The following DCAF17 variants were observed in gnomAD, a reference collection of about 807,000 sequenced individuals.
DCAF17 encodes DDB1 and CUL4 associated factor 17, also known as DDB1- and CUL4-associated factor 17.
A neutral mutation model predicts 66.0 loss-of-function variants in DCAF17; 48 were observed. The observed-to-expected ratio is 0.73, with a 90% confidence interval of 0.58 to 0.92. The LOEUF is 0.92. Ranked by LOEUF, DCAF17 falls within the 40% of genes least tolerant of loss-of-function variation. The pLI is 0.00. For synonymous variants in DCAF17, 206 were observed against 214.6 expected (o/e 0.96, Z 0.35); for missense variants, 562 against 622.8 (o/e 0.90, Z 1.04).
chr2:171,450,022 G>A (rs947555057), intron 5 of DCAF17, 65 bp downstream of exon 5: 22 of 1,346,956 alleles, frequency 1.6e-5, no homozygotes, highest in Non-Finnish European at 2.3e-5. Context: ...CTGCAGATTT[G>A]TTATGAAAAA....
intron 8 of DCAF17, among the ~76,000 whole-genome samples, chr2:171,467,904 T>C (rs997302323): frequency 2.6e-5 from 4 of 152,226 alleles, no homozygotes; most frequent in Non-Finnish European, 4.4e-5. Flanking sequence ...CACTTCTGTA[T>C]ATAACATGTG....
At chr2:171,463,202 C>G in intron 8 of DCAF17, among the ~76,000 whole-genome samples, 1 of 150,028 alleles carries the variant, frequency 6.7e-6, no homozygotes, top group African/African-American at 2.5e-5. Flanking sequence ...TGCACTCCAG[C>G]CTGGGCGATG....
intron 5 of DCAF17, 68 bp from the exon 6 acceptor site, chr2:171,453,056 A>G (rs965873027): frequency 3.7e-6 from 4 of 1,093,552 alleles, no homozygotes; most frequent in African/African-American, 1.6e-5. Context: ...GATTTTTTCA[A>G]CTAATGAAAA....
Position 171,464,852 on chromosome 2 carries a change from C to A in DCAF17, c.839-4036C>A, listed in dbSNP as rs1695803034. ...TGATTTCTAATAAAACTTTATCCTACTATATATATATGATAGTCTTAAAAT... is the reference window on the plus strand; with the variant it reads ...TGATTTCTAATAAAACTTTATCCTAATATATATATATGATAGTCTTAAAAT... On this transcript the variant is annotated intron_variant, in intron 8 of 13. Coordinates refer to ENST00000375255, the MANE Select transcript of DCAF17 (RefSeq NM_025000.4). Among the ~76,000 whole-genome samples the A allele has an allele frequency of 2.6e-5, 4 of 152,008 alleles. No homozygotes were observed. In the South Asian group the frequency reaches 8.3e-4, roughly 32 times the overall value.
chr2:171,475,462 T>A (rs1696453081), intron 10 of DCAF17, among the ~76,000 whole-genome samples: 1 of 152,140 alleles, frequency 6.6e-6, no homozygotes, highest in Non-Finnish European at 1.5e-5. Flanking sequence ...ATGCTCAGTA[T>A]TTGTTGAATA....
In DCAF17 at chr2:171,458,286, T is replaced by C. The variant is rs967184525; in HGVS notation, c.733-86T>C. ...TTGGAAAAAGACATTTTCTTTGTCA[T>C]ATACATGTGAATTTTATTTTTGTTC... is the stretch of plus-strand genomic sequence containing the variant. On this transcript the variant is annotated intron_variant, in intron 7 of 13. Transcript: ENST00000375255. 44 of 1,211,786 alleles carry C rather than the reference T, an allele frequency of 3.6e-5. 1 individual carries two copies. The highest frequency in any genetic ancestry group is 1.9e-4 in the East Asian group (8 of 42,826). 75.1% of individuals were successfully genotyped at this position (1,211,786 alleles called of 1,614,324 possible).
Position 171,448,762 on chromosome 2 carries a change from G to T in DCAF17, c.403G>T (p.Ala135Ser). The T allele has an allele frequency of 6.2e-7, 1 of 1,612,908 alleles. No individual in the cohort carries two copies. The highest frequency in any genetic ancestry group is 2.2e-5 in the East Asian group (1 of 44,792). The stretch of plus-strand genomic sequence containing the variant: ...TCATAATTGGCTACTTCGTATATCA[G>T]CAACTACGGGAAAAATCCTTGAGAA... The part of the protein sequence containing the change: ...TAHNWLLRIS[A>S]TTGKILEKIY... The change falls in exon 4 of 14, where the codon GCA becomes TCA. Residue 135 changes from alanine (A) to serine (S), a missense_variant. By Grantham distance (99) the Ala-to-Ser change is moderately conservative. This residue lies in a region of DCAF17 where 348 missense variants were observed against 355.9 expected (regional missense o/e 0.98). Transcript: ENST00000375255.
chr2:171,443,395 G>C (rs1175185243), intron 2 of DCAF17, 128 bp from the exon 3 acceptor site: 1 of 669,426 alleles, frequency 1.5e-6, no homozygotes, highest in African/African-American at 1.8e-5. Flanking sequence ...TTAATATTTA[G>C]TTAAGAGGAA....
intron 3 of DCAF17, among the ~76,000 whole-genome samples, chr2:171,448,303 A>T (rs899539935): frequency 6.6e-6 from 1 of 151,892 alleles, no homozygotes; most frequent in African/African-American, 2.4e-5. Flanking sequence ...ATAGCAGAGG[A>T]CTCTTAATCG....
intron 3 of DCAF17, among the ~76,000 whole-genome samples, chr2:171,446,861 T>C (rs1309000467): frequency 6.6e-6 from 1 of 152,186 alleles, no homozygotes. Context: ...ATAAGATGTT[T>C]CAGATCTTTG....
chr2:171,440,615 T>C (rs112006982), intron 2 of DCAF17, among the ~76,000 whole-genome samples: 66 of 152,314 alleles, frequency 4.3e-4, no homozygotes, highest in African/African-American at 1.6e-3. Context: ...ATAAAAAGAA[T>C]TAAATAGGCC....
intron 9 of DCAF17, among the ~76,000 whole-genome samples, chr2:171,470,393 C>T (rs1921776): frequency 0.33 from 50,324 of 151,950 alleles, 9,558 homozygotes; most frequent in East Asian, 0.62. Context: ...TCACCACGCA[C>T]GTTACAGATC....
chr2:171,473,929 C>A lies in DCAF17; in HGVS notation c.1045C>A (p.Pro349Thr), dbSNP rs766897062. The change falls in exon 10 of 14, where the codon CCT (proline) becomes ACT (threonine). Residue 349 changes from proline to threonine, a missense_variant. Pro to Thr is a conservative substitution (Grantham distance 38, BLOSUM62 -1). Coordinates refer to ENST00000375255, the MANE Select transcript of DCAF17 (RefSeq NM_025000.4). ...AGAATCTGACTGGATCTATTTCCAT[C>A]CTGATGCTTCTGGTAGAATAATACA... ...SLESDWIYFH[P>T]DASGRIIHVG... The A allele has an allele frequency of 6.2e-7, 1 of 1,613,786 alleles. No homozygotes were observed. The highest frequency in any genetic ancestry group is 8.5e-7 in the Non-Finnish European group (1 of 1,179,834).
intron 9 of DCAF17, chr2:171,473,077 C>G (rs1696334034): frequency 6.1e-6 from 1 of 164,322 alleles, no homozygotes; most frequent in East Asian, 1.9e-4. Context: ...TAGATCATTT[C>G]CTCAGATATT....
At chr2:171,442,328 G>T (rs1004287254) in intron 2 of DCAF17, among the ~76,000 whole-genome samples, 5 of 152,188 alleles carry the variant, frequency 3.3e-5, no homozygotes, top group African/African-American at 1.2e-4. Flanking sequence ...GGAGGCTGAG[G>T]CAGGCAGATC....
rs1410964899 is a variant in DCAF17, at chr2:171,448,769, CG to C, written c.413del (p.Gly138GlufsTer18). Reference sequence around the variant, plus strand: ...TGGCTACTTCGTATATCAGCAACTACGGGAAAAATCCTTGAGAAAATATATC... The same window carrying C: ...TGGCTACTTCGTATATCAGCAACTACGGAAAAATCCTTGAGAAAATATATC... ...HNWLLRISATTGKILEKIYLA... is the reference protein window; with the variant it reads ...HNWLLRISATXGKILEKIYLA... On this transcript the variant is annotated frameshift_variant, in exon 4 of 14. Coordinates refer to ENST00000375255, the MANE Select transcript of DCAF17 (RefSeq NM_025000.4). LOFTEE classifies it high-confidence loss of function. The C allele has an allele frequency of 4.3e-6, 7 of 1,612,786 alleles. No homozygotes were observed. Among genetic ancestry groups the C allele is most frequent in the Non-Finnish European group, 5.1e-6 (6 of 1,179,346 alleles).
intron 8 of DCAF17, among the ~76,000 whole-genome samples, chr2:171,468,359 A>G (rs1277664053): frequency 1.3e-5 from 2 of 152,172 alleles, no homozygotes; most frequent in African/African-American, 2.4e-5. Flanking sequence ...GGTTACATTC[A>G]TTGGGACTAA....
At chr2:171,443,472 T>A in intron 2 of DCAF17, 51 bp from the exon 3 acceptor site, 1 of 1,499,932 alleles carries the variant, frequency 6.7e-7, no homozygotes, top group South Asian at 1.1e-5. Flanking sequence ...CCTGAACAAA[T>A]ACTGTCTTGG....
At chr2:171,456,826 A>AT (rs1695288018) in intron 6 of DCAF17, among the ~76,000 whole-genome samples, 1 of 152,180 alleles carries the variant, frequency 6.6e-6, no homozygotes, top group Admixed American at 6.5e-5. Context: ...TTGCATATTG[A>AT]TTTTGTATCC....
Sources: allele counts gnomAD v4.1 joint callset (sites outside exome capture counted in the v4.1 genomes callset), GRCh38; gene constraint gnomAD v4.1.1; regional missense constraint gnomAD v4.1.1; transcripts MANE v1.5; gene names NCBI Gene and HGNC (gene_info 2026-07-23, HGNC 2026-07-21).